The following PDE10A variants were observed in gnomAD, a reference collection of about 807,000 sequenced individuals.
The protein encoded by PDE10A is phosphodiesterase 10A.
In PDE10A, 39 loss-of-function variants were observed where a neutral mutation model predicts 97.7. That is an observed-to-expected ratio of 0.40 (90% confidence interval 0.31 to 0.52). PDE10A has a LOEUF of 0.52. PDE10A is among the 20% of genes least tolerant of loss of function. The pLI is 0.56. For missense variants in PDE10A, 731 were observed against 1,047.8 expected (o/e 0.70, Z 4.17); for synonymous variants, 371 against 376.8 (o/e 0.98, Z 0.18).
intron 2 of PDE10A, among the ~76,000 whole-genome samples, chr6:165,509,872 T>C (rs1394194753): frequency 6.6e-6 from 1 of 152,064 alleles, no homozygotes; most frequent in Non-Finnish European, 1.5e-5. Context: ...CTTGATTTCT[T>C]TTTCAGCTAT....
chr6:165,603,197 G>A lies in PDE10A; in HGVS notation c.865+58750C>T, dbSNP rs538771583. On this transcript the variant is annotated intron_variant, in intron 1 of 21. Coordinates refer to ENST00000539869, the MANE Select transcript of PDE10A (RefSeq NM_001385079.1). ...CTCTGCATGAGTAAACGTACAATAGGGGCCATGAAGCTCCTCCATACAATT... is the reference window on the plus strand; with the variant it reads ...CTCTGCATGAGTAAACGTACAATAGAGGCCATGAAGCTCCTCCATACAATT... Among the ~76,000 whole-genome samples the A allele has an allele frequency of 2.2e-4, 34 of 152,244 alleles. No individual in the cohort carries two copies. In the East Asian group the frequency reaches 5.8e-3, roughly 26 times the overall value.
rs558449415 is a variant in PDE10A, at chr6:165,574,724, C to T, written c.866-31156G>A. 5.4e-4 allele frequency among the ~76,000 whole-genome samples: 82 copies of T among 152,260 alleles called. 1 individual carries two copies. Among genetic ancestry groups the T allele is most frequent in the African/African-American group, 1.9e-3 (80 of 41,538 alleles). On this transcript the variant is annotated intron_variant, in intron 1 of 21. Transcript: ENST00000539869. ...AAGCTCTTTGTTAAAAGTGAGAGTG[C>T]ATTTATACCATGATTTACAACTATC...
At chr6:165,524,244 G>C (rs1430687039) in intron 2 of PDE10A, among the ~76,000 whole-genome samples, 2 of 152,076 alleles carry the variant, frequency 1.3e-5, no homozygotes, top group African/African-American at 2.4e-5. Flanking sequence ...AGAGAACCCT[G>C]ACTAATACAG....
chr6:165,505,511 T>C (rs78328507), intron 2 of PDE10A, among the ~76,000 whole-genome samples: 3,566 of 152,268 alleles, frequency 0.023, 82 homozygotes, highest in Non-Finnish European at 0.034. Context: ...AATATGATAC[T>C]TTTTTAAAAA....
Position 165,735,258 on chromosome 6 carries a change from G to T in PDE10A, c.-614-191690C>A, listed in dbSNP as rs184057576. ...AGGTGGGTGGGTAGGTAGGTAGGAA[G>T]ATAGGTAGATAGTAGGTCAGTTGGT... On this transcript the variant is annotated intron_variant, in intron 1 of 19. Coordinates refer to the PDE10A transcript ENST00000366882. Among the ~76,000 whole-genome samples the T allele has an allele frequency of 2.0e-5, 3 of 151,912 alleles. No individual in the cohort carries two copies. The East Asian group carries it at 5.8e-4, about 30-fold the overall frequency.
chr6:165,347,210 T>C (rs1214299893), intron 18 of PDE10A, among the ~76,000 whole-genome samples: 1 of 152,152 alleles, frequency 6.6e-6, no homozygotes, highest in African/African-American at 2.4e-5. Context: ...GTGACCTATT[T>C]TGAGTAATTT....
intron 1 of PDE10A, among the ~76,000 whole-genome samples, chr6:165,739,573 T>A (rs12215811): frequency 0.25 from 38,236 of 151,492 alleles, 6,177 homozygotes; most frequent in Middle Eastern, 0.36. Flanking sequence ...GAAATTGGTC[T>A]GGGCTATGAT....
At chr6:165,927,077 G>A (rs560172337) in intron 1 of PDE10A, among the ~76,000 whole-genome samples, 2 of 151,966 alleles carry the variant, frequency 1.3e-5, no homozygotes, top group South Asian at 2.1e-4. Flanking sequence ...GGGCCTGTTG[G>A]GGGGTGGGGG....
At chr6:165,365,156 A>C (rs1783689204) in intron 18 of PDE10A, among the ~76,000 whole-genome samples, 1 of 152,168 alleles carries the variant, frequency 6.6e-6, no homozygotes. Context: ...AAAATGGATT[A>C]TATAAGAAAG....
intron 2 of PDE10A, among the ~76,000 whole-genome samples, chr6:165,487,803 T>C (rs144749572): frequency 6.6e-6 from 1 of 152,312 alleles, no homozygotes; most frequent in African/African-American, 2.4e-5. Flanking sequence ...ATGCAGTTCA[T>C]GATTCCTTGC....
intron 1 of PDE10A, among the ~76,000 whole-genome samples, chr6:165,623,072 T>C (rs1399373121): frequency 1.3e-5 from 2 of 152,170 alleles, no homozygotes; most frequent in African/African-American, 4.8e-5. Context: ...GCCAGCATCA[T>C]GTGTCCTGTA....
At chr6:165,562,787 T>C (rs999105514) in intron 1 of PDE10A, among the ~76,000 whole-genome samples, 3 of 152,124 alleles carry the variant, frequency 2.0e-5, no homozygotes, top group Admixed American at 6.5e-5. Context: ...AAAATTTAAA[T>C]CATAAGTTCT....
At chr6:165,774,509 A>G (rs1210522580) in intron 1 of PDE10A, among the ~76,000 whole-genome samples, 1 of 148,070 alleles carries the variant, frequency 6.8e-6, no homozygotes, top group Admixed American at 6.8e-5. Flanking sequence ...TATTACCTAT[A>G]TATTTATATA....
chr6:165,848,610 G>T (rs1225345168), intron 1 of PDE10A, among the ~76,000 whole-genome samples: 1 of 152,206 alleles, frequency 6.6e-6, no homozygotes, highest in Non-Finnish European at 1.5e-5. Context: ...TGTTGGGGGA[G>T]GGTGGTGATG....
chr6:165,763,091 A>G (rs1469659023), intron 1 of PDE10A, among the ~76,000 whole-genome samples: 1 of 152,176 alleles, frequency 6.6e-6, no homozygotes, highest in East Asian at 1.9e-4. Context: ...GACTTATAAG[A>G]CTGCAGCTGG....
intron 2 of PDE10A, among the ~76,000 whole-genome samples, chr6:165,515,337 T>A (rs1276098614): frequency 6.6e-6 from 1 of 152,150 alleles, no homozygotes; most frequent in East Asian, 1.9e-4. Context: ...TTATACCTAT[T>A]GTAATCTCTG....
At chr6:165,400,556 A>G (rs188630724) in intron 13 of PDE10A, among the ~76,000 whole-genome samples, 1 of 152,250 alleles carries the variant, frequency 6.6e-6, no homozygotes, top group East Asian at 1.9e-4. Context: ...CACTTCACCA[A>G]AGATGGTGTA....
At chr6:165,795,453 C>T (rs561804065) in intron 1 of PDE10A, among the ~76,000 whole-genome samples, 10 of 152,156 alleles carry the variant, frequency 6.6e-5, no homozygotes, top group South Asian at 6.2e-4. Context: ...GGGCTGGGCG[C>T]GGTGGCTCAT....
chr6:165,633,987 T>C (rs972824093), intron 1 of PDE10A, among the ~76,000 whole-genome samples: 2 of 152,140 alleles, frequency 1.3e-5, no homozygotes, highest in Admixed American at 1.3e-4. Context: ...GAAAGTCCTA[T>C]CAGAAAAACA....
Sources: allele counts gnomAD v4.1 joint callset (sites outside exome capture counted in the v4.1 genomes callset), GRCh38; gene constraint gnomAD v4.1.1; transcripts MANE v1.5; gene names NCBI Gene and HGNC (gene_info 2026-07-23, HGNC 2026-07-21).